The following KHDRBS2 variants were observed in gnomAD, a reference collection of about 807,000 sequenced individuals.
KHDRBS2 encodes the protein KH RNA binding domain containing, signal transduction associated 2, also known as KH domain-containing, RNA-binding, signal transduction-associated protein 2.
A neutral mutation model predicts 44.3 loss-of-function variants in KHDRBS2; 26 were observed. The ratio of observed to expected loss-of-function variants is 0.59; its 90% CI spans 0.43 to 0.81. The LOEUF (loss-of-function observed/expected upper bound fraction) is 0.81. KHDRBS2 is among the 40% of genes least tolerant of loss of function. The pLI is 0.00. For missense variants in KHDRBS2, 476 were observed against 433.1 expected, an observed-to-expected ratio of 1.10 and a Z score of -0.88; for synonymous variants, 194 against 151.1, an observed-to-expected ratio of 1.28 and a Z score of -2.08.
At position 61,901,289 on chromosome 6, in the gene KHDRBS2, C is replaced by A. The variant is rs187067762; in HGVS notation, c.566G>T (p.Gly189Val). The A allele has an allele frequency of 5.6e-6, 9 of 1,613,310 alleles. No individual in the cohort carries two copies. The highest frequency in any genetic ancestry group is 4.0e-5 in the African/African-American group (3 of 74,984). The change falls in exon 5 of 9, where the codon GGT becomes GTT. Residue 189 changes from glycine (G) to valine (V), a missense_variant. Gly to Val is a moderately radical substitution (Grantham distance 109). Transcript: ENST00000281156. The part of the protein sequence containing the change: ...NGSEDSGRGR[G>V]IRGRGIRIAP... ...TATTCTGATCCCTCTGCCTCTAATA[C>A]CTCTGCCACGACCAGAGTCCTCTGA... is the stretch of plus-strand genomic sequence containing the variant.
At chr6:62,027,714 C>A (rs781558025) in intron 3 of KHDRBS2, among the ~76,000 whole-genome samples, 2 of 151,944 alleles carry the variant, frequency 1.3e-5, no homozygotes, top group South Asian at 4.2e-4. Flanking sequence ...CCATAATAAC[C>A]CAAAAGGACA....
Position 61,954,278 on chromosome 6 carries a change from TGC to T in KHDRBS2, c.483+23786_483+23787del, listed in dbSNP as rs796198268. 8.7e-4 allele frequency among the ~76,000 whole-genome samples: 132 copies of T among 151,802 alleles called. 7 individuals are homozygous for T. The highest frequency in any genetic ancestry group is 3.1e-3 in the African/African-American group (128 of 41,362). On this transcript the variant is annotated intron_variant, in intron 4 of 8. Transcript: ENST00000281156. ...CTGTGTGTATGCCTGCATAGAAATG[TGC>T]GTGTGTCTACATATACACATATATA...
chr6:61,691,256 C>A (rs2127541840), intron 8 of KHDRBS2, among the ~76,000 whole-genome samples: 1 of 152,164 alleles, frequency 6.6e-6, no homozygotes, highest in Middle Eastern at 3.4e-3. Context: ...GCAATACAAG[C>A]ATTGATGTAG....
chr6:62,198,861 C>T (rs1585166101), intron 1 of KHDRBS2, among the ~76,000 whole-genome samples: 1 of 152,084 alleles, frequency 6.6e-6, no homozygotes, highest in Admixed American at 6.6e-5. Context: ...AAACCGAATC[C>T]AGCAGCACAT....
chr6:61,719,552 G>C (rs866398016), intron 7 of KHDRBS2, among the ~76,000 whole-genome samples: 8 of 152,174 alleles, frequency 5.3e-5, no homozygotes, highest in Middle Eastern at 6.8e-3. Context: ...CTTGCCTTAA[G>C]TCAAAACTTC....
intron 2 of KHDRBS2, among the ~76,000 whole-genome samples, chr6:62,096,045 A>T (rs1222641826): frequency 6.6e-6 from 1 of 151,940 alleles, no homozygotes; most frequent in Non-Finnish European, 1.5e-5. Flanking sequence ...ATATTGAACC[A>T]TACGTATCCC....
chr6:62,000,443 T>C (rs1388038351), intron 3 of KHDRBS2, among the ~76,000 whole-genome samples: 1 of 152,204 alleles, frequency 6.6e-6, no homozygotes, highest in Non-Finnish European at 1.5e-5. Flanking sequence ...AATTGCATTA[T>C]TGTTGAAAGA....
the KHDRBS2 span, among the ~76,000 whole-genome samples, chr6:61,599,183 C>G: frequency 6.6e-6 from 1 of 152,048 alleles, no homozygotes; most frequent in Non-Finnish European, 1.5e-5. Context: ...ATTCACCTGC[C>G]TCGGCCTCCC....
chr6:62,231,515 C>CG (rs1259496339), intron 1 of KHDRBS2, among the ~76,000 whole-genome samples: 1 of 152,106 alleles, frequency 6.6e-6, no homozygotes, highest in Non-Finnish European at 1.5e-5. Context: ...CCTTGACACA[C>CG]GGGGATTACA....
chr6:62,035,438 A>G (rs1285611586), intron 3 of KHDRBS2, among the ~76,000 whole-genome samples: 2 of 152,022 alleles, frequency 1.3e-5, no homozygotes, highest in African/African-American at 2.4e-5. Context: ...GGGTCTGAAA[A>G]TGAAAACAAC....
At chr6:62,212,266 T>A (rs1829186885) in intron 1 of KHDRBS2, among the ~76,000 whole-genome samples, 1 of 151,732 alleles carries the variant, frequency 6.6e-6, no homozygotes, top group Admixed American at 6.6e-5. Flanking sequence ...AAGTGTTCAA[T>A]CACACACATA....
In KHDRBS2 at chr6:62,001,022, C is replaced by T. The variant is rs1584073100; in HGVS notation, c.337-22810G>A. On this transcript the variant is annotated intron_variant, in intron 3 of 8. Transcript: ENST00000281156. ...ACAAAGTGACTTTGACAAGAGTCAC[C>T]ATTTGTGCTTGAGCAATAATGTGTG... is the stretch of plus-strand genomic sequence containing the variant. 2.6e-5 allele frequency among the ~76,000 whole-genome samples: 4 copies of T among 152,216 alleles called. No individual in the cohort carries two copies. The South Asian group carries it at 8.3e-4, about 32-fold the overall frequency.
intron 4 of KHDRBS2, among the ~76,000 whole-genome samples, chr6:61,955,428 GTATGTGTATGTATACATATGTGTATATAT>G (rs1562519389): frequency 1.4e-5 from 2 of 138,322 alleles, no homozygotes; most frequent in South Asian, 2.2e-4. Context: ...ATACACATAC[GTATGTGTATGTATACATATGTGTATATAT>G]ACATATGTGT....
chr6:61,782,969 A>G (rs1479440534), intron 6 of KHDRBS2, among the ~76,000 whole-genome samples: 1 of 151,830 alleles, frequency 6.6e-6, no homozygotes, highest in Non-Finnish European at 1.5e-5. Context: ...ATACTGCATT[A>G]CATTGGCCAA....
chr6:61,900,185 G>A (rs1317624786), intron 5 of KHDRBS2, among the ~76,000 whole-genome samples: 1 of 151,822 alleles, frequency 6.6e-6, no homozygotes, highest in Non-Finnish European at 1.5e-5. Flanking sequence ...TTTTATTTGA[G>A]AATTTATCTT....
At chr6:61,639,758 A>T in the KHDRBS2 span, among the ~76,000 whole-genome samples, 3 of 152,138 alleles carry the variant, frequency 2.0e-5, no homozygotes, top group Non-Finnish European at 4.4e-5. Flanking sequence ...ATTGTTCATT[A>T]TACAGTAGTT....
chr6:61,918,431 T>C (rs2127357219), intron 4 of KHDRBS2, among the ~76,000 whole-genome samples: 1 of 151,922 alleles, frequency 6.6e-6, no homozygotes, highest in Non-Finnish European at 1.5e-5. Flanking sequence ...GGAAACCAGG[T>C]TTGGATGTTG....
intron 2 of KHDRBS2, among the ~76,000 whole-genome samples, chr6:62,123,621 A>G (rs1411847315): frequency 6.6e-6 from 1 of 152,230 alleles, no homozygotes; most frequent in Non-Finnish European, 1.5e-5. Flanking sequence ...AATTTTTTAA[A>G]TAATTTACAC....
intron 2 of KHDRBS2, among the ~76,000 whole-genome samples, chr6:62,146,378 T>C (rs2150102073): frequency 6.6e-6 from 1 of 151,914 alleles, no homozygotes; most frequent in Non-Finnish European, 1.5e-5. Flanking sequence ...AAAAATATTT[T>C]AAAATCCACT....
Sources: allele counts gnomAD v4.1 joint callset (sites outside exome capture counted in the v4.1 genomes callset), GRCh38; gene constraint gnomAD v4.1.1; transcripts MANE v1.5; gene names NCBI Gene and HGNC (gene_info 2026-07-23, HGNC 2026-07-21).